The following AHI1 variants were observed in gnomAD, a reference collection of about 807,000 sequenced individuals.
The protein encoded by AHI1 is Abelson helper integration site 1, also known as jouberin.
Under a neutral mutation model 149.3 loss-of-function variants are expected in AHI1, and 123 were observed. The ratio of observed to expected loss-of-function variants is 0.82; its 90% CI spans 0.71 to 0.96. The LOEUF (loss-of-function observed/expected upper bound fraction) is 0.96. AHI1 is among the 40% of genes least tolerant of loss of function. The pLI, the probability that AHI1 is intolerant of heterozygous loss-of-function variation, is 0.00. For missense variants in AHI1, 1,439 were observed against 1,422.7 expected, an observed-to-expected ratio of 1.01 and a Z score of -0.18; for synonymous variants, 475 against 459.8, an observed-to-expected ratio of 1.03 and a Z score of -0.42.
chr6:135,291,635 G>C (rs1562441254), intron 27 of AHI1, among the ~76,000 whole-genome samples: 1 of 152,160 alleles, frequency 6.6e-6, no homozygotes, highest in South Asian at 2.1e-4. Flanking sequence ...GAAGTCTGTG[G>C]TATTCTCTGT....
intron 28 of AHI1, 110 bp from the exon 29 acceptor site, chr6:135,285,757 G>A (rs1781603488): frequency 1.1e-6 from 1 of 892,938 alleles, no homozygotes; most frequent in Non-Finnish European, 1.8e-6. Context: ...AGGACATTGT[G>A]TAAAACACAA....
intron 20 of AHI1, among the ~76,000 whole-genome samples, chr6:135,418,973 G>A (rs1782767175): frequency 6.7e-6 from 1 of 148,156 alleles, no homozygotes; most frequent in African/African-American, 2.5e-5. Flanking sequence ...ATTTTATCTG[G>A]CCTGACTTGT....
At chr6:135,291,135 A>G (rs1160979841) in intron 27 of AHI1, among the ~76,000 whole-genome samples, 1 of 152,176 alleles carries the variant, frequency 6.6e-6, no homozygotes, top group Non-Finnish European at 1.5e-5. Flanking sequence ...AAGAAAACAC[A>G]AAAACAATGA....
intron 24 of AHI1, among the ~76,000 whole-genome samples, chr6:135,331,473 T>G (rs1488700173): frequency 6.6e-6 from 1 of 152,134 alleles, no homozygotes; most frequent in Non-Finnish European, 1.5e-5. Context: ...TTAGGCAGAG[T>G]CTGCCAGGCT....
intron 26 of AHI1, among the ~76,000 whole-genome samples, chr6:135,306,356 A>G (rs931464391): frequency 1.3e-5 from 2 of 152,198 alleles, no homozygotes; most frequent in Non-Finnish European, 2.9e-5. Context: ...GGAGGGTAAA[A>G]TTACAGAAAT....
intron 3 of AHI1, among the ~76,000 whole-genome samples, chr6:135,493,263 T>C (rs935454321): frequency 6.6e-6 from 1 of 152,158 alleles, no homozygotes; most frequent in Admixed American, 6.5e-5. Flanking sequence ...CCTCCCAAAG[T>C]GTTGGGATTA....
Position 135,411,461 on chromosome 6 carries a change from A to C in AHI1, c.2848T>G (p.Cys950Gly), listed in dbSNP as rs1281675137. ...PGIHQSQDAL[C>G]TCPKLPHQGS... ...TGATGGGGTAGTTTTGGACAGGTAC[A>C]TAGGGCATCTTGACTTTGGTGTATT... Residue 950 changes from cysteine (C) to glycine (G), a missense_variant, in exon 21 of 29, where the codon TGT (cysteine) becomes GGT (glycine). Coordinates refer to ENST00000265602, the MANE Select transcript of AHI1 (RefSeq NM_001134831.2). 9 of 1,613,632 alleles carry C rather than the reference A, an allele frequency of 5.6e-6. No homozygotes were observed. Among genetic ancestry groups the C allele is most frequent in the South Asian group, 1.1e-5 (1 of 91,022 alleles).
At chr6:135,364,878 C>T (rs59570728) in intron 23 of AHI1, among the ~76,000 whole-genome samples, 3,284 of 151,486 alleles carry the variant, frequency 0.022, 51 homozygotes, top group African/African-American at 0.034. Flanking sequence ...AGAGGGAGAC[C>T]GTGGAAAGAG....
intron 20 of AHI1, among the ~76,000 whole-genome samples, chr6:135,415,419 C>G (rs1026856235): frequency 6.6e-6 from 1 of 152,176 alleles, no homozygotes; most frequent in Non-Finnish European, 1.5e-5. Flanking sequence ...AACTAGTTTA[C>G]AGTCCCACCA....
intron 24 of AHI1, among the ~76,000 whole-genome samples, chr6:135,337,221 T>C (rs1789532138): frequency 2.0e-5 from 3 of 152,112 alleles, no homozygotes; most frequent in Admixed American, 6.5e-5. Context: ...CTGAAGAAGA[T>C]CAACAAAGTA....
intron 26 of AHI1, among the ~76,000 whole-genome samples, chr6:135,303,101 A>G (rs934122204): frequency 6.6e-6 from 1 of 152,152 alleles, no homozygotes. Flanking sequence ...ATTTAAATGC[A>G]ATGATAGTTA....
chr6:135,285,605 C>T lies in AHI1; in HGVS notation c.*40G>A. 1 of 1,603,658 alleles carries T rather than the reference C, an allele frequency of 6.2e-7. No homozygotes were observed. Among genetic ancestry groups the T allele is most frequent in the Non-Finnish European group, 8.5e-7 (1 of 1,172,986 alleles). ...ATTCCATTTGGTTTGTCATTTTCACCTCTGTGCATTTCGGCAGCTCTTAAC... is the reference window on the plus strand; with the variant it reads ...ATTCCATTTGGTTTGTCATTTTCACTTCTGTGCATTTCGGCAGCTCTTAAC... On this transcript the variant is annotated 3_prime_UTR_variant, in exon 29 of 29. Transcript: ENST00000265602.
chr6:135,373,500 A>G (rs1473057542), intron 23 of AHI1, among the ~76,000 whole-genome samples: 4 of 152,214 alleles, frequency 2.6e-5, no homozygotes, highest in Non-Finnish European at 4.4e-5. Flanking sequence ...ACATTTCCCT[A>G]ATTTCCCAGA....
At chr6:135,427,030 G>T in intron 20 of AHI1, 137 bp downstream of exon 20, 3 of 792,238 alleles carry the variant, frequency 3.8e-6, no homozygotes, top group Non-Finnish European at 5.8e-6. Context: ...CTTGTGGCTA[G>T]CTTTCTGTGA....
rs560639686 is a variant in AHI1 at position 135,481,349 on chromosome 6, A to G, written c.135+9274T>C. On this transcript the variant is annotated intron_variant, in intron 5 of 28. Transcript: ENST00000265602. Reference sequence around the variant, plus strand: ...TACAAATAAAGGTTGAATATCCCTTATACAAAATGCTTGAGACAAAAAGTG... The same window carrying G: ...TACAAATAAAGGTTGAATATCCCTTGTACAAAATGCTTGAGACAAAAAGTG... Among the ~76,000 whole-genome samples, 4 of 152,376 alleles carry G rather than the reference A, an allele frequency of 2.6e-5. No individual in the cohort carries two copies. In the South Asian group the frequency reaches 8.3e-4, roughly 32 times the overall value.
chr6:135,392,180 T>A (rs556163665), intron 23 of AHI1, among the ~76,000 whole-genome samples: 2 of 152,228 alleles, frequency 1.3e-5, no homozygotes, highest in Non-Finnish European at 2.9e-5. Context: ...TAGAGGTTCC[T>A]GAAGGCAGAG....
Position 135,334,801 on chromosome 6 carries a change from G to A in AHI1, c.3166-11477C>T, listed in dbSNP as rs368233688. ...AAGAAAATTATGAATCACTGATTTAGATTAGGGTTCTCAAAACGTATTCCC... is the reference window on the plus strand; with the variant it reads ...AAGAAAATTATGAATCACTGATTTAAATTAGGGTTCTCAAAACGTATTCCC... On this transcript the variant is annotated intron_variant, in intron 24 of 28. Transcript: ENST00000265602. Among the ~76,000 whole-genome samples the A allele has an allele frequency of 4.9e-4, 74 of 152,258 alleles. No homozygotes were observed. The East Asian group carries it at 0.01, about 21-fold the overall frequency.
chr6:135,354,751 C>A (rs1266787042), intron 24 of AHI1, among the ~76,000 whole-genome samples: 1 of 152,166 alleles, frequency 6.6e-6, no homozygotes, highest in African/African-American at 2.4e-5. Flanking sequence ...TATAATCTAA[C>A]ATCATGATTA....
rs111775493 is a variant in AHI1 at position 135,383,696 on chromosome 6, T to C, written c.3109+11080A>G. ...AAATCTAAGTATTTGGAAATATATT[T>C]TATAACAACATCATTTTATATGCCC... On this transcript the variant is annotated intron_variant, in intron 23 of 28. Coordinates refer to ENST00000265602, the MANE Select transcript of AHI1 (RefSeq NM_001134831.2). Among the ~76,000 whole-genome samples, 1,423 of 152,338 alleles carry C rather than the reference T, an allele frequency of 9.3e-3. 20 individuals are homozygous for C. Among genetic ancestry groups the C allele is most frequent in the African/African-American group, 0.032 (1,328 of 41,568 alleles).
Sources: gnomAD v4.1 joint callset for allele counts (sites outside exome capture counted in the v4.1 genomes callset) on GRCh38, gnomAD v4.1.1 for gene constraint, MANE v1.5 for transcripts, NCBI Gene and HGNC (gene_info 2026-07-23, HGNC 2026-07-21) for gene names.